TMCC3: variants seen among roughly 807,000 people sequenced by gnomAD.
TMCC3 encodes transmembrane and coiled-coil domain protein 3.
In TMCC3, 28 loss-of-function variants were observed where a neutral mutation model predicts 40.2. That is an observed-to-expected ratio of 0.70 (90% CI 0.52 to 0.95). TMCC3 has a LOEUF of 0.95. Among genes scored for constraint, TMCC3 ranks in the 40% least tolerant of loss-of-function variants. The pLI is 0.00. For synonymous variants in TMCC3, 255 were observed against 248.5 expected, an observed-to-expected ratio of 1.03 and a Z score of -0.25; for missense variants, 554 against 615.2, an observed-to-expected ratio of 0.90 and a Z score of 1.05.
intron 1 of TMCC3, among the ~76,000 whole-genome samples, chr12:94,628,959 A>T (rs1052669868): frequency 6.6e-6 from 1 of 152,178 alleles, no homozygotes; most frequent in African/African-American, 2.4e-5. Context: ...GTTAGAAAAA[A>T]GGTGATGGAT....
At chr12:94,632,366 T>C (rs968869453) in intron 1 of TMCC3, among the ~76,000 whole-genome samples, 2 of 152,240 alleles carry the variant, frequency 1.3e-5, no homozygotes, top group Admixed American at 6.5e-5. Context: ...TGTAAAATTA[T>C]TGACTAGGTA....
In TMCC3 at chr12:94,634,579, C is replaced by T. The variant is rs150457628; in HGVS notation, c.78+15774G>A. On this transcript the variant is annotated intron_variant, in intron 1 of 3. Transcript: ENST00000261226. ...TTTCTTGGTATTAGATCATTTTAAA[C>T]AGCCAGAGTGCGAGTCAAACTTCTC... 3.3e-5 allele frequency among the ~76,000 whole-genome samples: 5 copies of T among 152,292 alleles called. No individual in the cohort carries two copies. In the East Asian group the frequency reaches 9.6e-4, roughly 29 times the overall value.
rs566860145 is a variant in TMCC3, at chr12:94,576,932, C to T, written c.1131+1462G>A. Reference sequence around the variant, plus strand: ...AGATCCTACCCATTCCTTCCAGTCCCGCCTTCTCTAGGACATTCAATTACA... The same window carrying T: ...AGATCCTACCCATTCCTTCCAGTCCTGCCTTCTCTAGGACATTCAATTACA... On this transcript the variant is annotated intron_variant, in intron 3 of 3. Transcript: ENST00000261226. 3.3e-3 allele frequency among the ~76,000 whole-genome samples: 510 copies of T among 152,254 alleles called. 4 individuals are homozygous for T. Among genetic ancestry groups the T allele is most frequent in the African/African-American group, 0.012 (493 of 41,542 alleles).
At chr12:94,576,116 C>T (rs1370457584) in intron 3 of TMCC3, among the ~76,000 whole-genome samples, 1 of 152,132 alleles carries the variant, frequency 6.6e-6, no homozygotes, top group African/African-American at 2.4e-5. Context: ...GTTCAAGTTT[C>T]TCGAATAAGC....
At chr12:94,578,329 A>G (rs1295241499) in intron 3 of TMCC3, 65 bp downstream of exon 3, 9 of 1,553,654 alleles carry the variant, frequency 5.8e-6, no homozygotes, top group Non-Finnish European at 7.8e-6. Flanking sequence ...AAACATTTAG[A>G]CTGTTAAATG....
intron 1 of TMCC3, among the ~76,000 whole-genome samples, chr12:94,608,785 T>C (rs1010606798): frequency 2.0e-5 from 3 of 152,192 alleles, no homozygotes; most frequent in Non-Finnish European, 4.4e-5. Flanking sequence ...TCACCCTTTA[T>C]TCAGGAGTGC....
rs1446789077 is a variant in TMCC3, at chr12:94,594,228, C to CAG, written c.79-11691_79-11690insCT. Among the ~76,000 whole-genome samples the CAG allele has an allele frequency of 9.5e-5, 14 of 147,688 alleles. 1 individual carries two copies. Among genetic ancestry groups the CAG allele is most frequent in the East Asian group, 5.8e-4 (3 of 5,146 alleles). ...ATATATATATATATACACACACACA[C>CAG]ACACAGAGTGAGAGAGAGAGAGGTC... On this transcript the variant is annotated intron_variant, in intron 1 of 3. Transcript: ENST00000261226.
At chr12:94,617,993 T>G (rs1466090547) in intron 1 of TMCC3, among the ~76,000 whole-genome samples, 1 of 152,228 alleles carries the variant, frequency 6.6e-6, no homozygotes, top group African/African-American at 2.4e-5. Flanking sequence ...AAATGGATCT[T>G]GCCTTAAACC....
intron 1 of TMCC3, among the ~76,000 whole-genome samples, chr12:94,631,223 C>A (rs1043652329): frequency 1.6e-4 from 25 of 152,240 alleles, no homozygotes; most frequent in African/African-American, 5.5e-4. Context: ...GAACCTCTCC[C>A]TAGAAATATG....
At chr12:94,634,764 C>T (rs2068951581) in intron 1 of TMCC3, among the ~76,000 whole-genome samples, 1 of 152,176 alleles carries the variant, frequency 6.6e-6, no homozygotes, top group Admixed American at 6.5e-5. Context: ...AATTTTGGTG[C>T]CCACATGCCT....
At chr12:94,599,558 C>T (rs1394333441) in intron 1 of TMCC3, among the ~76,000 whole-genome samples, 3 of 85,170 alleles carry the variant, frequency 3.5e-5, no homozygotes, top group African/African-American at 1.3e-4. Flanking sequence ...TAAAAGATAC[C>T]CCCCCCCCCG....
In TMCC3 at chr12:94,569,656, G is replaced by A. The variant is rs2068515046; in HGVS notation, c.*1779C>T. On this transcript the variant is annotated 3_prime_UTR_variant, in exon 4 of 4. Transcript: ENST00000261226. Reference sequence around the variant, plus strand: ...CTCAATTGTACGCTTAAAAAAAAAAGCAAGCTTGAGCTGCCTAAGTCCCGC... The same window carrying A: ...CTCAATTGTACGCTTAAAAAAAAAAACAAGCTTGAGCTGCCTAAGTCCCGC... The A allele has an allele frequency of 1.3e-5, 2 of 151,862 alleles. No homozygotes were observed. The highest frequency in any genetic ancestry group is 6.6e-5 in the Admixed American group (1 of 15,238). 9.4% of individuals were successfully genotyped at this position (151,862 alleles called of 1,614,324 possible). A position where few individuals can be genotyped will look rare whatever the true frequency, so the allele number is the denominator to read the frequency against.
At chr12:94,624,953 C>T (rs2068895603) in intron 1 of TMCC3, among the ~76,000 whole-genome samples, 1 of 151,340 alleles carries the variant, frequency 6.6e-6, no homozygotes. Flanking sequence ...CCAGCCTGGT[C>T]AACATGGTGA....
chr12:94,621,041 A>G (rs1411659310), intron 1 of TMCC3, among the ~76,000 whole-genome samples: 2 of 152,236 alleles, frequency 1.3e-5, no homozygotes, highest in East Asian at 1.9e-4. Context: ...TGAAGGACAC[A>G]TTGAATCTTC....
At chr12:94,644,019 C>T (rs1390880132) in intron 1 of TMCC3, among the ~76,000 whole-genome samples, 1 of 152,222 alleles carries the variant, frequency 6.6e-6, no homozygotes, top group East Asian at 1.9e-4. Flanking sequence ...GCCTGGTGTA[C>T]AGTAAGCACT....
At chr12:94,574,397 A>C (rs2068551688) in intron 3 of TMCC3, among the ~76,000 whole-genome samples, 2 of 151,808 alleles carry the variant, frequency 1.3e-5, no homozygotes, top group Admixed American at 1.3e-4. Context: ...AAAAACAAAA[A>C]AAAAAAACAG....
At chr12:94,585,062 A>C (rs1316800457) in intron 1 of TMCC3, among the ~76,000 whole-genome samples, 1 of 152,198 alleles carries the variant, frequency 6.6e-6, no homozygotes, top group Non-Finnish European at 1.5e-5. Context: ...GTAACTGTAC[A>C]ATCACTGAGG....
chr12:94,579,850 G>A (rs1343195771), intron 2 of TMCC3, among the ~76,000 whole-genome samples: 1 of 152,214 alleles, frequency 6.6e-6, no homozygotes, highest in Non-Finnish European at 1.5e-5. Flanking sequence ...AAACCGTCCT[G>A]AACTCACATA....
At chr12:94,642,425 G>A (rs2068995468) in intron 1 of TMCC3, among the ~76,000 whole-genome samples, 1 of 152,238 alleles carries the variant, frequency 6.6e-6, no homozygotes, top group African/African-American at 2.4e-5. Context: ...TCCACAGGGA[G>A]TTCTGGTGTG....
Sources: allele counts gnomAD v4.1 joint callset (sites outside exome capture counted in the v4.1 genomes callset), GRCh38; gene constraint gnomAD v4.1.1; transcripts MANE v1.5; gene names NCBI Gene and HGNC (gene_info 2026-07-23, HGNC 2026-07-21).